MSRB3: variants seen among roughly 807,000 people sequenced by gnomAD.
MSRB3 encodes methionine sulfoxide reductase B3.
MSRB3 carries 13 observed loss-of-function variants against 21.0 expected under a neutral mutation model. The ratio of observed to expected loss-of-function variants is 0.62; its 90% confidence interval spans 0.40 to 0.98. The LOEUF is 0.98. MSRB3 is among the 50% of genes least tolerant of loss of function. The probability of loss-of-function intolerance (pLI) is 0.00; values close to 1 mark genes in which losing one functional copy is unlikely to be tolerated. For missense variants in MSRB3, 199 were observed against 230.3 expected (o/e 0.86, Z 0.88); for synonymous variants, 87 against 88.6 (o/e 0.98, Z 0.10).
At chr12:65,369,500 G>A (rs548859922) in intron 5 of MSRB3, among the ~76,000 whole-genome samples, 6 of 152,242 alleles carry the variant, frequency 3.9e-5, no homozygotes, top group Admixed American at 2.0e-4. Flanking sequence ...CTAGATGGGT[G>A]ATAGAAAATG....
At position 65,278,973 on chromosome 12, in the gene MSRB3, G is replaced by A. The variant is rs567554335; in HGVS notation, c.-52+108G>A. ...CGGGATTCCATTCTGCGCCTGCTGC[G>A]CCCCCTCGGCCACCTGCGGGGACAG... is the stretch of plus-strand genomic sequence containing the variant. On this transcript the variant is annotated intron_variant, in intron 1 of 6. Coordinates refer to ENST00000308259, the MANE Select transcript of MSRB3 (RefSeq NM_001031679.3). 8.0e-6 allele frequency: 12 copies of A among 1,495,100 alleles called. No homozygotes were observed. In the African/African-American group the frequency reaches 1.1e-4, roughly 14 times the overall value. The allele number at this position is 1,495,100 out of a possible 1,614,324, so 92.6% of individuals were successfully genotyped here. A position where few individuals can be genotyped will look rare whatever the true frequency, so the allele number is the denominator to read the frequency against.
intron 4 of MSRB3, 99 bp downstream of exon 4, chr12:65,328,702 TTC>T (rs1315333817): frequency 1.2e-6 from 1 of 839,026 alleles, no homozygotes; most frequent in East Asian, 2.5e-5. Context: ...CTGAATTTTC[TTC>T]TGTTTGTTTT....
intron 2 of MSRB3, among the ~76,000 whole-genome samples, chr12:65,322,383 G>T (rs2136443534): frequency 6.6e-6 from 1 of 152,266 alleles, no homozygotes; most frequent in East Asian, 1.9e-4. Context: ...GACTGGCTGG[G>T]TGTGGTGGCT....
chr12:65,297,087 G>A (rs995435884), intron 1 of MSRB3, among the ~76,000 whole-genome samples: 2 of 152,192 alleles, frequency 1.3e-5, no homozygotes, highest in South Asian at 2.1e-4. Flanking sequence ...GATGGAGCTG[G>A]AAGCCATTAT....
chr12:65,318,037 C>T lies in MSRB3; in HGVS notation c.77-8789C>T, dbSNP rs561771679. ...AAGAAGACATTGAATAATGTCTTCC[C>T]GTGTCAGGGCAAGACATGGCTTTTC... is the stretch of plus-strand genomic sequence containing the variant. On this transcript the variant is annotated intron_variant, in intron 2 of 6. Transcript: ENST00000308259. 5.1e-4 allele frequency among the ~76,000 whole-genome samples: 77 copies of T among 151,928 alleles called. 1 individual carries two copies. The highest frequency in any genetic ancestry group is 1.2e-3 in the African/African-American group (49 of 41,464).
At chr12:65,341,890 CA>C (rs1426694155) in intron 4 of MSRB3, among the ~76,000 whole-genome samples, 1 of 151,842 alleles carries the variant, frequency 6.6e-6, no homozygotes, top group Non-Finnish European at 1.5e-5. Flanking sequence ...AGATTTTATA[CA>C]CATTCAAAAT....
intron 5 of MSRB3, among the ~76,000 whole-genome samples, chr12:65,444,227 A>C (rs978853119): frequency 6.6e-6 from 1 of 152,218 alleles, no homozygotes; most frequent in Non-Finnish European, 1.5e-5. Flanking sequence ...TTAAAGCTCC[A>C]GCCATATTGA....
intron 5 of MSRB3, among the ~76,000 whole-genome samples, chr12:65,378,191 T>G (rs747908406): frequency 3.5e-4 from 54 of 152,156 alleles, no homozygotes; most frequent in Non-Finnish European, 6.9e-4. Context: ...CCCTGGATAG[T>G]TTTTGGATAA....
At chr12:65,283,197 C>T (rs1285142309) in intron 1 of MSRB3, among the ~76,000 whole-genome samples, 1 of 152,176 alleles carries the variant, frequency 6.6e-6, no homozygotes, top group Non-Finnish European at 1.5e-5. Context: ...TTAGGCTGTT[C>T]CTACTGCCTG....
chr12:65,396,710 A>AAGAAAG (rs1301473491), intron 5 of MSRB3, among the ~76,000 whole-genome samples: 1 of 45,982 alleles, frequency 2.2e-5, no homozygotes, highest in African/African-American at 7.8e-5. Context: ...AAAAAAAAGA[A>AAGAAAG]AGAAAGAAAG....
intron 5 of MSRB3, among the ~76,000 whole-genome samples, chr12:65,381,624 G>A (rs1390788876): frequency 1.3e-5 from 2 of 151,992 alleles, no homozygotes; most frequent in Non-Finnish European, 2.9e-5. Context: ...TAGTTCTTAT[G>A]TCTTGATAAA....
chr12:65,464,748 G>A lies in MSRB3; in HGVS notation c.*1426G>A, dbSNP rs1592662256. On this transcript the variant is annotated 3_prime_UTR_variant, in exon 7 of 7. Transcript: ENST00000308259. ...CAGAAAAACTGACAGGGCAGTACAA[G>A]TAACAAACAGAATCCAAGTGGGGTG... 1 of 152,362 alleles carries A rather than the reference G, an allele frequency of 6.6e-6. No homozygotes were observed. The highest frequency in any genetic ancestry group is 6.5e-5 in the Admixed American group (1 of 15,302). 9.4% of individuals were successfully genotyped at this position (152,362 alleles called of 1,614,324 possible).
intron 2 of MSRB3, among the ~76,000 whole-genome samples, chr12:65,320,500 GT>G (rs1050887956): frequency 1.3e-5 from 2 of 152,116 alleles, no homozygotes; most frequent in African/African-American, 4.8e-5. Flanking sequence ...TGGCCAAAGG[GT>G]TTTTTGTTCT....
intron 5 of MSRB3, among the ~76,000 whole-genome samples, chr12:65,451,891 CTG>C (rs1367758196): frequency 5.9e-5 from 9 of 152,288 alleles, no homozygotes; most frequent in South Asian, 2.1e-4. Context: ...GTACTGGACA[CTG>C]TGTTAGGCAA....
At chr12:65,313,792 C>T (rs1364175722) in intron 2 of MSRB3, among the ~76,000 whole-genome samples, 4 of 151,916 alleles carry the variant, frequency 2.6e-5, no homozygotes, top group African/African-American at 7.2e-5. Context: ...ATTAAAATGC[C>T]GAGGAGAGGA....
In MSRB3 at chr12:65,423,367, G is replaced by T. The variant is rs563600984; in HGVS notation, c.293-30361G>T. On this transcript the variant is annotated intron_variant, in intron 5 of 6. Transcript: ENST00000308259. ...TTTCATCTTTTTGCCTAATTGCTCT[G>T]ACTGGGACTTTTAGTACAATATTGA... 1.3e-4 allele frequency among the ~76,000 whole-genome samples: 20 copies of T among 152,236 alleles called. No homozygotes were observed. The South Asian group carries it at 4.1e-3, about 32-fold the overall frequency.
At chr12:65,317,323 A>G (rs1000390982) in intron 2 of MSRB3, among the ~76,000 whole-genome samples, 1 of 152,190 alleles carries the variant, frequency 6.6e-6, no homozygotes, top group Non-Finnish European at 1.5e-5. Context: ...GGTAATCTGG[A>G]TGCAGCTTAA....
chr12:65,287,789 GC>G (rs899935174), intron 1 of MSRB3, among the ~76,000 whole-genome samples: 4 of 152,140 alleles, frequency 2.6e-5, no homozygotes, highest in African/African-American at 9.7e-5. Context: ...TGCGTGCAGA[GC>G]CACTTGAAAA....
At chr12:65,421,138 C>T (rs1382091423) in intron 5 of MSRB3, among the ~76,000 whole-genome samples, 1 of 152,128 alleles carries the variant, frequency 6.6e-6, no homozygotes, top group Non-Finnish European at 1.5e-5. Flanking sequence ...TATATTTTAA[C>T]TTTTAAATAA....
Sources: allele counts gnomAD v4.1 joint callset (sites outside exome capture counted in the v4.1 genomes callset), GRCh38; gene constraint gnomAD v4.1.1; transcripts MANE v1.5; gene names NCBI Gene and HGNC (gene_info 2026-07-23, HGNC 2026-07-21).